Variants in KCNMA1 observed in about 807,000 individuals in gnomAD.
KCNMA1 encodes the protein potassium calcium-activated channel subfamily M alpha 1.
Under a neutral mutation model 140.0 loss-of-function variants are expected in KCNMA1, and 29 were observed. The observed-to-expected ratio is 0.21, with a 90% CI of 0.15 to 0.28. KCNMA1 has a LOEUF of 0.28. Among genes scored for constraint, KCNMA1 ranks in the 10% least tolerant of loss-of-function variants. The pLI, the probability that KCNMA1 is intolerant of heterozygous loss-of-function variation, is 1.00. For synonymous variants in KCNMA1, 612 were observed against 611.9 expected (o/e 1.00, Z 0.00); for missense variants, 880 against 1,602.2 (o/e 0.55, Z 7.70).
chr10:76,917,493 C>G (rs2053459319), intron 23 of KCNMA1, among the ~76,000 whole-genome samples: 2 of 152,136 alleles, frequency 1.3e-5, no homozygotes, highest in Non-Finnish European at 2.9e-5. Flanking sequence ...TGCATGAAAC[C>G]TTCATTTGGA....
At chr10:77,464,455 A>C (rs2097941259) in intron 1 of KCNMA1, among the ~76,000 whole-genome samples, 1 of 148,286 alleles carries the variant, frequency 6.7e-6, no homozygotes, top group Non-Finnish European at 1.5e-5. Context: ...ATATCTCTCC[A>C]TTAAAAAAAA....
At chr10:76,905,356 G>A (rs576640528) in intron 25 of KCNMA1, among the ~76,000 whole-genome samples, 18 of 152,328 alleles carry the variant, frequency 1.2e-4, no homozygotes, top group African/African-American at 3.4e-4. Flanking sequence ...CCTAGCCAGC[G>A]TATCCAGAAA....
intron 20 of KCNMA1, among the ~76,000 whole-genome samples, chr10:76,969,272 GA>G (rs2075161004): frequency 1.6e-5 from 1 of 64,346 alleles, no homozygotes; most frequent in Non-Finnish European, 3.2e-5. Context: ...GGGAGGGAGG[GA>G]GGGGGAAGAA....
chr10:76,941,020 A>AG (rs747397299), intron 23 of KCNMA1, among the ~76,000 whole-genome samples: 3,975 of 56,334 alleles, frequency 0.071, 202 homozygotes, highest in Middle Eastern at 0.11. Context: ...GAAGGAAGGA[A>AG]GAAAGAAAGA....
At chr10:77,619,309 T>G (rs1318524578) in intron 1 of KCNMA1, among the ~76,000 whole-genome samples, 1 of 89,556 alleles carries the variant, frequency 1.1e-5, no homozygotes, top group African/African-American at 4.9e-5. Flanking sequence ...TCTCTCTGTC[T>G]GTCTGTCTCT....
rs201401747 is a variant in KCNMA1 at position 76,970,003 on chromosome 10, G to C, written c.2331C>G (p.Asn777Lys). 3 of 1,613,948 alleles carry C rather than the reference G, an allele frequency of 1.9e-6. No individual in the cohort carries two copies. The highest frequency in any genetic ancestry group is 2.5e-6 in the Non-Finnish European group (3 of 1,179,960). The part of the protein sequence containing the change: ...KKKQRNGGMR[N>K]SPNTSPKLMR... ...TCAGCTTAGGCGAGGTGTTGGGTGA[G>C]TTCCGCATGCCTCCATTCCGTTGCT... Residue 777 changes from asparagine (N) to lysine (K), a missense_variant, in exon 20 of 28, where the codon AAC becomes AAG. By Grantham distance (94) the Asn-to-Lys change is moderately conservative. This residue lies in a region of KCNMA1 where 196 missense variants were observed against 233.0 expected (regional missense o/e 0.84). Coordinates refer to ENST00000286628, the MANE Select transcript of KCNMA1 (RefSeq NM_001161352.2).
chr10:77,013,676 T>C (rs2091381114), intron 17 of KCNMA1, among the ~76,000 whole-genome samples: 1 of 152,168 alleles, frequency 6.6e-6, no homozygotes. Context: ...ACATGTCAGG[T>C]GTGGTTCTAA....
intron 2 of KCNMA1, among the ~76,000 whole-genome samples, chr10:77,382,182 C>G (rs1484478363): frequency 6.6e-6 from 1 of 152,102 alleles, no homozygotes; most frequent in Admixed American, 6.5e-5. Flanking sequence ...AGCCTTCTGC[C>G]TGCTGGAGGA....
At chr10:76,880,233 T>A (rs571719590), downstream of KCNMA1, among the ~76,000 whole-genome samples, 1 of 152,332 alleles carries the variant, frequency 6.6e-6, no homozygotes, top group African/African-American at 2.4e-5. Context: ...AGAATATCAA[T>A]TTCCTTCTGC....
At chr10:77,558,221 C>T (rs967116090) in intron 1 of KCNMA1, among the ~76,000 whole-genome samples, 2 of 152,082 alleles carry the variant, frequency 1.3e-5, no homozygotes, top group Admixed American at 6.5e-5. Context: ...ATTCATAATT[C>T]TGATCTTAAA....
intron 3 of KCNMA1, among the ~76,000 whole-genome samples, chr10:77,219,496 C>G (rs748077732): frequency 1.6e-4 from 25 of 152,148 alleles, no homozygotes; most frequent in Admixed American, 4.6e-4. Context: ...CTAAACCCAG[C>G]AGCTGCAGTT....
chr10:77,174,897 G>A (rs1023680794), intron 5 of KCNMA1, among the ~76,000 whole-genome samples: 4 of 152,208 alleles, frequency 2.6e-5, no homozygotes, highest in African/African-American at 9.6e-5. Flanking sequence ...AAAAGAAGCT[G>A]AGCCTAGGTC....
chr10:77,489,034 C>T (rs1348160939), intron 1 of KCNMA1, among the ~76,000 whole-genome samples: 3 of 152,244 alleles, frequency 2.0e-5, no homozygotes, highest in African/African-American at 7.2e-5. Flanking sequence ...CCATCTTCCC[C>T]CTCTAGGCAG....
chr10:76,946,956 G>A (rs2064167118), intron 22 of KCNMA1, among the ~76,000 whole-genome samples: 1 of 152,220 alleles, frequency 6.6e-6, no homozygotes, highest in Non-Finnish European at 1.5e-5. Flanking sequence ...TTGTGCTTGA[G>A]TATGTTAAAT....
intron 3 of KCNMA1, 81 bp downstream of exon 3, chr10:77,251,114 G>T: frequency 8.9e-7 from 1 of 1,121,548 alleles, no homozygotes; most frequent in Non-Finnish European, 1.4e-6. Context: ...AAAGGTTGGT[G>T]TCAAGGTAAA....
chr10:77,114,926 C>T (rs2153902665), intron 6 of KCNMA1, among the ~76,000 whole-genome samples: 1 of 152,252 alleles, frequency 6.6e-6, no homozygotes, highest in African/African-American at 2.4e-5. Context: ...ACTGCCCTCT[C>T]TTACCTCTCT....
intron 3 of KCNMA1, among the ~76,000 whole-genome samples, chr10:77,244,356 C>T (rs2058070690): frequency 6.6e-6 from 1 of 152,182 alleles, no homozygotes. Context: ...CAGCTCAGTC[C>T]TCCTGTCCTT....
chr10:76,875,626 C>T (rs566576268), downstream of KCNMA1: 2 of 152,268 alleles, frequency 1.3e-5, no homozygotes, highest in East Asian at 1.9e-4. Context: ...GACCAAATCA[C>T]TCTAACAAAT....
At chr10:76,914,100 C>T in intron 24 of KCNMA1, 2 of 1,550,334 alleles carry the variant, frequency 1.3e-6, no homozygotes, top group Non-Finnish European at 1.7e-6. Flanking sequence ...TGTTTTTTTC[C>T]TGATTGACTG....
Sources: allele counts gnomAD v4.1 joint callset (sites outside exome capture counted in the v4.1 genomes callset), GRCh38; gene constraint gnomAD v4.1.1; regional missense constraint gnomAD v4.1.1; transcripts MANE v1.5; gene names NCBI Gene and HGNC (gene_info 2026-07-23, HGNC 2026-07-21).